The following ROBO2 variants were observed in gnomAD, a reference collection of about 807,000 sequenced individuals.
ROBO2 encodes the protein roundabout homolog 2.
Under a neutral mutation model 160.8 loss-of-function variants are expected in ROBO2, and 53 were observed. The observed-to-expected ratio is 0.33, with a 90% CI of 0.26 to 0.41. ROBO2 has a LOEUF of 0.41. Among genes scored for constraint, ROBO2 ranks in the 10% least tolerant of loss-of-function variants. The pLI is 1.00. For missense variants in ROBO2, 1,577 were observed against 1,722.4 expected (o/e 0.92, Z 1.49); for synonymous variants, 664 against 611.7 (o/e 1.09, Z -1.26).
chr3:77,502,660 A>G (rs1244322710), intron 5 of ROBO2, among the ~76,000 whole-genome samples: 1 of 152,304 alleles, frequency 6.6e-6, no homozygotes, highest in Non-Finnish European at 1.5e-5. Flanking sequence ...AATTCTGATA[A>G]AAAACATTAA....
intron 2 of ROBO2, among the ~76,000 whole-genome samples, chr3:76,128,098 A>G (rs1386963769): frequency 1.3e-5 from 2 of 151,740 alleles, no homozygotes; most frequent in Non-Finnish European, 2.9e-5. Flanking sequence ...GTTTCATTAC[A>G]TTGGCCAATC....
intron 2 of ROBO2, among the ~76,000 whole-genome samples, chr3:76,627,306 A>G (rs1470689073): frequency 2.0e-5 from 3 of 152,316 alleles, no homozygotes; most frequent in East Asian, 3.9e-4. Flanking sequence ...TGAAATCTTC[A>G]TTTGAGCTTT....
intron 12 of ROBO2, among the ~76,000 whole-genome samples, chr3:77,566,932 G>C (rs1379411259): frequency 6.6e-6 from 1 of 151,946 alleles, no homozygotes; most frequent in Non-Finnish European, 1.5e-5. Flanking sequence ...AAATAACAGA[G>C]AATCTAGAAA....
intron 5 of ROBO2, among the ~76,000 whole-genome samples, chr3:77,505,159 CT>C (rs755054350): frequency 2.0e-5 from 3 of 152,126 alleles, no homozygotes; most frequent in Admixed American, 6.6e-5. Flanking sequence ...AGAAATGCAT[CT>C]TTGTGTCCAC....
intron 6 of ROBO2, among the ~76,000 whole-genome samples, chr3:77,535,550 C>T (rs1333525310): frequency 6.6e-6 from 1 of 152,074 alleles, no homozygotes; most frequent in South Asian, 2.1e-4. Flanking sequence ...CATTTCTTTA[C>T]AAACAAAGAG....
intron 2 of ROBO2, among the ~76,000 whole-genome samples, chr3:77,377,726 A>G (rs1241527401): frequency 2.0e-5 from 3 of 152,242 alleles, no homozygotes; most frequent in Non-Finnish European, 4.4e-5. Flanking sequence ...GGAGTTAGAT[A>G]TCTGATTTAG....
chr3:76,992,183 A>T (rs1174276558), intron 2 of ROBO2, among the ~76,000 whole-genome samples: 2 of 151,742 alleles, frequency 1.3e-5, no homozygotes, highest in Non-Finnish European at 2.9e-5. Context: ...GTACACTAAA[A>T]CTAAGTCAGA....
chr3:77,589,977 C>A lies in ROBO2; in HGVS notation c.2683+1044C>A, dbSNP rs150295738. 5.3e-3 allele frequency among the ~76,000 whole-genome samples: 808 copies of A among 152,112 alleles called. 10 individuals are homozygous for A. The highest frequency in any genetic ancestry group is 0.019 in the African/African-American group (770 of 41,532). On this transcript the variant is annotated intron_variant, in intron 17 of 25. Coordinates refer to ENST00000461745, the Ensembl canonical transcript of ROBO2. ...TCTTAGTAACTGATTTTGACAGAGG[C>A]GTCATTGATTATTAAGCTTTTACGA...
At chr3:76,556,922 C>A (rs2083831313) in intron 2 of ROBO2, among the ~76,000 whole-genome samples, 1 of 152,072 alleles carries the variant, frequency 6.6e-6, no homozygotes, top group African/African-American at 2.4e-5. Flanking sequence ...TCATAGTCAT[C>A]TCCATAATTC....
At chr3:75,992,910 C>CT (rs2065616084) in intron 2 of ROBO2, among the ~76,000 whole-genome samples, 1 of 152,222 alleles carries the variant, frequency 6.6e-6, no homozygotes, top group South Asian at 2.1e-4. Context: ...TTTGGACTTG[C>CT]ATGGGGCCTT....
intron 2 of ROBO2, among the ~76,000 whole-genome samples, chr3:76,566,330 T>C (rs1368253420): frequency 6.6e-6 from 1 of 152,112 alleles, no homozygotes; most frequent in Non-Finnish European, 1.5e-5. Context: ...AGAGAGCACA[T>C]GTAGAGAGGC....
intron 2 of ROBO2, among the ~76,000 whole-genome samples, chr3:76,216,087 A>G (rs1201724639): frequency 2.6e-5 from 4 of 152,186 alleles, no homozygotes; most frequent in African/African-American, 9.7e-5. Context: ...GAGAAATAAA[A>G]TACTTTACAG....
intron 2 of ROBO2, among the ~76,000 whole-genome samples, chr3:76,328,407 G>A (rs1230392816): frequency 6.6e-6 from 1 of 152,146 alleles, no homozygotes; most frequent in Non-Finnish European, 1.5e-5. Context: ...TTTCTTTTAA[G>A]AATTTCTCTC....
intron 2 of ROBO2, among the ~76,000 whole-genome samples, chr3:77,300,573 T>A (rs73106066): frequency 0.025 from 3,824 of 150,070 alleles, 50 homozygotes; most frequent in Non-Finnish European, 0.031. Flanking sequence ...AGACTAAATT[T>A]AAAAAAAAAA....
At chr3:77,387,219 G>A (rs563851485) in intron 2 of ROBO2, among the ~76,000 whole-genome samples, 13 of 151,296 alleles carry the variant, frequency 8.6e-5, no homozygotes, top group South Asian at 2.1e-4. Flanking sequence ...GCTAATGAGC[G>A]TTGGCAGACC....
intron 5 of ROBO2, among the ~76,000 whole-genome samples, chr3:77,507,374 A>G (rs546781372): frequency 1.3e-5 from 2 of 152,288 alleles, no homozygotes; most frequent in South Asian, 4.1e-4. Flanking sequence ...CATTTTTCCA[A>G]CAAAGACAGC....
chr3:76,921,527 G>A (rs1231175128), intron 2 of ROBO2, among the ~76,000 whole-genome samples: 2 of 152,092 alleles, frequency 1.3e-5, no homozygotes, highest in Admixed American at 6.5e-5. Context: ...CAGGAGAATC[G>A]CTTGAACCTG....
chr3:77,157,297 A>G (rs548113858), intron 2 of ROBO2, among the ~76,000 whole-genome samples: 1 of 151,730 alleles, frequency 6.6e-6, no homozygotes, highest in African/African-American at 2.4e-5. Flanking sequence ...TCCTAAGTAT[A>G]TTAAGGTTAG....
chr3:77,014,429 A>G (rs2062106558), intron 2 of ROBO2, among the ~76,000 whole-genome samples: 1 of 152,188 alleles, frequency 6.6e-6, no homozygotes, highest in Non-Finnish European at 1.5e-5. Flanking sequence ...TAGAGATCTG[A>G]CGGAGATACT....
Sources: gnomAD v4.1 joint callset for allele counts (sites outside exome capture counted in the v4.1 genomes callset) on GRCh38, gnomAD v4.1.1 for gene constraint, MANE v1.5 for transcripts, NCBI Gene and HGNC (gene_info 2026-07-23, HGNC 2026-07-21) for gene names.